SPATA13: variants seen among roughly 807,000 people sequenced by gnomAD.
The protein encoded by SPATA13 is spermatogenesis associated 13, also known as spermatogenesis-associated protein 13.
A neutral mutation model predicts 104.0 loss-of-function variants in SPATA13; 50 were observed. That is an observed-to-expected ratio of 0.48 (90% CI 0.38 to 0.61). SPATA13 has a LOEUF of 0.61. Ranked by LOEUF, SPATA13 falls within the 20% of genes least tolerant of loss-of-function variation. The pLI is 0.00. For synonymous variants in SPATA13, 606 were observed against 667.5 expected, an observed-to-expected ratio of 0.91 and a Z score of 1.42; for missense variants, 1,524 against 1,690.6, an observed-to-expected ratio of 0.90 and a Z score of 1.73.
chr13:24,264,353 G>A (rs1874196736), intron 4 of SPATA13, among the ~76,000 whole-genome samples: 1 of 152,172 alleles, frequency 6.6e-6, no homozygotes, highest in South Asian at 2.1e-4. Flanking sequence ...CCACCACCAA[G>A]AGCCAGTAGC....
chr13:24,113,885 A>G (rs533583887), intron 3 of SPATA13, among the ~76,000 whole-genome samples: 84 of 151,726 alleles, frequency 5.5e-4, no homozygotes, highest in African/African-American at 1.9e-3. Flanking sequence ...AAAAAAAAAA[A>G]AAAAAGAAAG....
chr13:24,153,437 T>C (rs1014380688), intron 3 of SPATA13, among the ~76,000 whole-genome samples: 8 of 152,146 alleles, frequency 5.3e-5, no homozygotes, highest in Admixed American at 6.5e-5. Flanking sequence ...AAGGAATAAA[T>C]AATAGAGCTA....
At chr13:24,224,995 T>C (rs374260980) in intron 2 of SPATA13, among the ~76,000 whole-genome samples, 1 of 152,234 alleles carries the variant, frequency 6.6e-6, no homozygotes, top group African/African-American at 2.4e-5. Flanking sequence ...ATAAGTGAAA[T>C]TCTTTCTGTT....
intron 3 of SPATA13, among the ~76,000 whole-genome samples, chr13:24,064,796 C>A (rs1353797259): frequency 1.3e-5 from 2 of 152,148 alleles, no homozygotes; most frequent in Non-Finnish European, 2.9e-5. Context: ...ATGTCATGAG[C>A]ATGTCATGTA....
At chr13:24,141,318 A>T (rs751785612) in intron 3 of SPATA13, among the ~76,000 whole-genome samples, 2 of 152,220 alleles carry the variant, frequency 1.3e-5, no homozygotes, top group African/African-American at 2.4e-5. Flanking sequence ...CAGATAATTA[A>T]TTAATTAACC....
intron 3 of SPATA13, among the ~76,000 whole-genome samples, chr13:24,072,007 TCAATC>T (rs1380224709): frequency 2.0e-5 from 3 of 152,296 alleles, no homozygotes; most frequent in African/African-American, 7.2e-5. Context: ...TATTAATAAT[TCAATC>T]CATATGCCGT....
chr13:24,234,341 G>A (rs1038644227), intron 2 of SPATA13, among the ~76,000 whole-genome samples: 3 of 152,186 alleles, frequency 2.0e-5, no homozygotes, highest in Non-Finnish European at 2.9e-5. Flanking sequence ...ACTAAATACA[G>A]AAAGGTACAC....
At chr13:24,271,047 TCTCTCTCTCTCA>T (rs910036133) in intron 4 of SPATA13, 2 of 697,246 alleles carry the variant, frequency 2.9e-6, no homozygotes, top group Non-Finnish European at 5.3e-6. Context: ...TCTCACTCTC[TCTCTCTCTCTCA>T]CTCTCTCTCT....
At chr13:24,079,160 C>G (rs1487667118) in intron 3 of SPATA13, among the ~76,000 whole-genome samples, 2 of 152,096 alleles carry the variant, frequency 1.3e-5, no homozygotes, top group Non-Finnish European at 2.9e-5. Context: ...CAGCGGGTGC[C>G]TAGGCCCTGA....
At chr13:24,281,577 TGGTTCTCCTGGAATCACAGAAG>T (rs1875527209) in intron 4 of SPATA13, among the ~76,000 whole-genome samples, 1 of 152,188 alleles carries the variant, frequency 6.6e-6, no homozygotes, top group African/African-American at 2.4e-5. Flanking sequence ...CGTAAGCAGC[TGGTTCTCCTGGAATCACAGAAG>T]GGTTCTGGAA....
At chr13:24,258,668 C>T (rs557977401) in intron 4 of SPATA13, among the ~76,000 whole-genome samples, 8 of 151,270 alleles carry the variant, frequency 5.3e-5, no homozygotes, top group South Asian at 4.2e-4. Flanking sequence ...ACCTCCTCTC[C>T]GCTAAAAAAA....
chr13:24,201,557 C>G (rs1870405822), intron 1 of SPATA13, among the ~76,000 whole-genome samples: 1 of 152,172 alleles, frequency 6.6e-6, no homozygotes, highest in African/African-American at 2.4e-5. Context: ...TCTCCTGCCT[C>G]AGCCTCCTGA....
At chr13:24,178,195 T>G (rs1009866325) in intron 1 of SPATA13, among the ~76,000 whole-genome samples, 1 of 152,152 alleles carries the variant, frequency 6.6e-6, no homozygotes, top group Non-Finnish European at 1.5e-5. Context: ...CAGATCAACA[T>G]AAAAATTTCC....
At position 24,290,786 on chromosome 13, in the gene SPATA13, C is replaced by G. The variant is rs1182518732; in HGVS notation, c.2982C>G (p.Asp994Glu). The G allele has an allele frequency of 6.2e-6, 10 of 1,614,128 alleles. No individual in the cohort carries two copies. Among genetic ancestry groups the G allele is most frequent in the Non-Finnish European group, 8.5e-6 (10 of 1,180,050 alleles). The change falls in exon 9 of 13, where the codon GAC becomes GAG. Residue 994 changes from aspartate (D) to glutamate (E), a missense_variant. This residue lies in a region of SPATA13 where 435 missense variants were observed against 554.8 expected (regional missense o/e 0.78). Coordinates refer to ENST00000382108, the MANE Select transcript of SPATA13 (RefSeq NM_001166271.3). Reference protein sequence around the residue: ...EACRLLQQMIDIAIDGFLLTP... With the variant: ...EACRLLQQMIEIAIDGFLLTP... ...GCCGCCTGCTGCAGCAGATGATTGA[C>G]ATCGCCATCGACGGGTTCCTGCTCA...
chr13:24,227,372 C>G (rs191356720), intron 2 of SPATA13, among the ~76,000 whole-genome samples: 3 of 152,160 alleles, frequency 2.0e-5, no homozygotes, highest in Non-Finnish European at 2.9e-5. Context: ...TGATTTTGAC[C>G]ATTTTATGGT....
At chr13:24,280,582 T>C (rs1282881304) in intron 4 of SPATA13, among the ~76,000 whole-genome samples, 2 of 151,520 alleles carry the variant, frequency 1.3e-5, no homozygotes, top group Non-Finnish European at 2.9e-5. Context: ...GTTGCTAAAA[T>C]TGGAAGATTC....
intron 3 of SPATA13, chr13:24,122,267 C>A (rs1486438027): frequency 1.5e-6 from 2 of 1,336,610 alleles, no homozygotes; most frequent in Non-Finnish European, 2.2e-6. Flanking sequence ...CACAGGATTA[C>A]GATTTTGAAT....
rs543606270 is a variant in SPATA13, at chr13:24,069,776, G to A, written c.-112+52075G>A. On this transcript the variant is annotated intron_variant, in intron 3 of 14. Transcript: ENST00000424834. ...TTTGATCATTTATTCTGTTATTCATGTAATATTACCAGTTCAATAATTCTA... is the reference window on the plus strand; with the variant it reads ...TTTGATCATTTATTCTGTTATTCATATAATATTACCAGTTCAATAATTCTA... Among the ~76,000 whole-genome samples, 144 of 152,312 alleles carry A rather than the reference G, an allele frequency of 9.5e-4. 2 individuals carry two copies. Among genetic ancestry groups the A allele is most frequent in the African/African-American group, 3.3e-3 (136 of 41,576 alleles).
chr13:24,046,129 C>T (rs551597145), intron 3 of SPATA13, among the ~76,000 whole-genome samples: 1 of 151,916 alleles, frequency 6.6e-6, no homozygotes, highest in Non-Finnish European at 1.5e-5. Flanking sequence ...TGCAGAAAAG[C>T]GTCTAAGTCA....
Sources: gnomAD v4.1 joint callset for allele counts (sites outside exome capture counted in the v4.1 genomes callset) on GRCh38, gnomAD v4.1.1 for gene constraint, gnomAD v4.1.1 regional missense constraint, MANE v1.5 for transcripts, NCBI Gene and HGNC (gene_info 2026-07-23, HGNC 2026-07-21) for gene names.